Variants in ZFAT observed in about 807,000 individuals in gnomAD.
ZFAT encodes zinc finger and AT-hook domain containing.
In ZFAT, 64 loss-of-function variants were observed where a neutral mutation model predicts 117.7. The ratio of observed to expected loss-of-function variants is 0.54; its 90% confidence interval spans 0.44 to 0.67. The LOEUF (loss-of-function observed/expected upper bound fraction) is 0.67. Among genes scored for constraint, ZFAT ranks in the 30% least tolerant of loss-of-function variants. The probability of loss-of-function intolerance (pLI) is 0.00; values close to 1 mark genes in which losing one functional copy is unlikely to be tolerated. For missense variants in ZFAT, 1,433 were observed against 1,584.5 expected (o/e 0.90, Z 1.62); for synonymous variants, 679 against 615.0 (o/e 1.10, Z -1.54).
At chr8:134,548,009 T>C (rs12543590) in intron 11 of ZFAT, among the ~76,000 whole-genome samples, 7 of 152,216 alleles carry the variant, frequency 4.6e-5, no homozygotes, top group Admixed American at 4.6e-4. Context: ...GGACCAGGCA[T>C]GGCCCAGAAA....
chr8:134,534,678 GGA>G (rs1821691084), intron 11 of ZFAT, among the ~76,000 whole-genome samples: 2 of 146,326 alleles, frequency 1.4e-5, no homozygotes, highest in Non-Finnish European at 1.5e-5. Flanking sequence ...AGAGAGAGGA[GGA>G]GAGAGAGGGG....
chr8:134,484,230 G>A (rs949452168), intron 15 of ZFAT, among the ~76,000 whole-genome samples: 3 of 152,214 alleles, frequency 2.0e-5, no homozygotes, highest in Non-Finnish European at 4.4e-5. Flanking sequence ...GCACAGCACC[G>A]GCTCCTCTGT....
At chr8:134,504,172 G>T (rs1819215503) in intron 15 of ZFAT, among the ~76,000 whole-genome samples, 1 of 152,116 alleles carries the variant, frequency 6.6e-6, no homozygotes, top group African/African-American at 2.4e-5. Context: ...GGACTGAAAA[G>T]TAACTTGTAC....
At chr8:134,746,523 C>A in the ZFAT span, among the ~76,000 whole-genome samples, 1 of 152,210 alleles carries the variant, frequency 6.6e-6, no homozygotes, top group Non-Finnish European at 1.5e-5. Flanking sequence ...CACTTTGGGT[C>A]TTTCTCCACT....
intron 1 of ZFAT, among the ~76,000 whole-genome samples, chr8:134,667,221 C>T (rs958398208): frequency 2.0e-5 from 3 of 152,106 alleles, no homozygotes; most frequent in East Asian, 1.9e-4. Flanking sequence ...TGGCTGGGTG[C>T]AGTGGCTCAC....
the ZFAT span, among the ~76,000 whole-genome samples, chr8:134,725,705 T>C: frequency 3.3e-5 from 5 of 151,780 alleles, no homozygotes; most frequent in Non-Finnish European, 7.4e-5. Context: ...CCATACATAT[T>C]GAATGAACGA....
the ZFAT span, among the ~76,000 whole-genome samples, chr8:134,736,130 C>T: frequency 1.3e-5 from 2 of 151,944 alleles, no homozygotes; most frequent in African/African-American, 2.4e-5. Flanking sequence ...CCATCAACAG[C>T]GAGATTCAGG....
Position 134,610,627 on chromosome 8 carries a change from C to G in ZFAT, c.477G>C (p.Lys159Asn). The G allele has an allele frequency of 6.2e-7, 1 of 1,614,128 alleles. No homozygotes were observed. The highest frequency in any genetic ancestry group is 8.5e-7 in the Non-Finnish European group (1 of 1,180,020). The change falls in exon 4 of 16, where the codon AAG (lysine) becomes AAC (asparagine). Residue 159 changes from lysine (K) to asparagine (N), a missense_variant. Coordinates refer to ENST00000377838, the MANE Select transcript of ZFAT (RefSeq NM_020863.4). ...TTTCCCGATCATCTTCCTTACACTT[C>G]TTTTCTAGTTCAAGGTCAGACTCGT... is the stretch of plus-strand genomic sequence containing the variant. The part of the protein sequence containing the change: ...AGNESDLELE[K>N]KCKEDDREKA...
At chr8:134,824,637 G>C in the ZFAT span, among the ~76,000 whole-genome samples, 1 of 152,246 alleles carries the variant, frequency 6.6e-6, no homozygotes, top group East Asian at 1.9e-4. Context: ...TGCCTCTCCT[G>C]ACATGATTCT....
chr8:134,602,614 G>T lies in ZFAT; in HGVS notation c.1105C>A (p.Leu369Ile). ...CKKKYSDVKN[L>I]IKHIRDAHDP... ...TGCGCGTCTCGGATGTGCTTGATGA[G>T]GTTCTTGACGTCAGAGTACTTCTTC... The change falls in exon 6 of 16, where the codon CTC becomes ATC. Residue 369 changes from leucine (L) to isoleucine (I), a missense_variant. By Grantham distance (5) the Leu-to-Ile change is conservative. Coordinates refer to ENST00000377838, the MANE Select transcript of ZFAT (RefSeq NM_020863.4). 6.2e-7 allele frequency: 1 copy of T among 1,614,196 alleles called. No individual in the cohort carries two copies.
At chr8:134,687,915 G>C (rs1192849994) in intron 1 of ZFAT, among the ~76,000 whole-genome samples, 1 of 152,168 alleles carries the variant, frequency 6.6e-6, no homozygotes, top group Admixed American at 6.5e-5. Flanking sequence ...TCTTGTTTCT[G>C]AAGTAAAGGG....
At chr8:134,523,709 CTT>C (rs1334126683) in intron 12 of ZFAT, among the ~76,000 whole-genome samples, 19 of 152,198 alleles carry the variant, frequency 1.2e-4, no homozygotes, top group Non-Finnish European at 1.5e-5. Context: ...CCTTCTCTGT[CTT>C]TTGCACTGAC....
At chr8:134,786,017 G>A in the ZFAT span, 2 of 152,122 alleles carry the variant, frequency 1.3e-5, no homozygotes, top group Non-Finnish European at 2.9e-5. Flanking sequence ...TCCCCTTAGA[G>A]TTTTAATTGT....
the ZFAT span, among the ~76,000 whole-genome samples, chr8:134,745,151 C>T: frequency 1.2e-4 from 18 of 152,174 alleles, no homozygotes; most frequent in Non-Finnish European, 2.1e-4. Flanking sequence ...ACCCCTTTAC[C>T]TAATTGTGGG....
chr8:134,732,473 A>G, the ZFAT span, among the ~76,000 whole-genome samples: 1 of 152,186 alleles, frequency 6.6e-6, no homozygotes, highest in Non-Finnish European at 1.5e-5. Flanking sequence ...ATCAGGAGCC[A>G]CTTGCCCCTC....
At chr8:134,506,570 G>A (rs989888562) in intron 15 of ZFAT, among the ~76,000 whole-genome samples, 4 of 152,098 alleles carry the variant, frequency 2.6e-5, no homozygotes, top group Admixed American at 6.5e-5. Flanking sequence ...TGCCAGCCCC[G>A]TACCAGGCCT....
At chr8:134,773,641 T>C in the ZFAT span, among the ~76,000 whole-genome samples, 1 of 152,192 alleles carries the variant, frequency 6.6e-6, no homozygotes, top group Non-Finnish European at 1.5e-5. Context: ...TCATAATTCA[T>C]GGGAGGCGGT....
the ZFAT span, among the ~76,000 whole-genome samples, chr8:134,742,166 T>TC: frequency 6.6e-6 from 1 of 151,562 alleles, no homozygotes; most frequent in Non-Finnish European, 1.5e-5. Context: ...ATCATTTCTT[T>TC]TTTTTTTTTT....
At chr8:134,774,350 A>C in the ZFAT span, among the ~76,000 whole-genome samples, 2 of 152,168 alleles carry the variant, frequency 1.3e-5, no homozygotes. Context: ...ATCGAGTGGC[A>C]TCCTAAGCTA....
Sources: gnomAD v4.1 joint callset for allele counts (sites outside exome capture counted in the v4.1 genomes callset) on GRCh38, gnomAD v4.1.1 for gene constraint, MANE v1.5 for transcripts, NCBI Gene and HGNC (gene_info 2026-07-23, HGNC 2026-07-21) for gene names.